DGKB: variants seen among roughly 807,000 people sequenced by gnomAD.
DGKB encodes diacylglycerol kinase beta, also known as 90 kDa diacylglycerol kinase.
Under a neutral mutation model 114.3 loss-of-function variants are expected in DGKB, and 67 were observed. That is an observed-to-expected ratio of 0.59 (90% CI 0.48 to 0.72). The LOEUF (loss-of-function observed/expected upper bound fraction) is 0.72. DGKB is among the 30% of genes least tolerant of loss of function. The pLI is 0.00. For synonymous variants in DGKB, 398 were observed against 323.1 expected (o/e 1.23, Z -2.49); for missense variants, 907 against 975.2 (o/e 0.93, Z 0.93).
intron 20 of DGKB, among the ~76,000 whole-genome samples, chr7:14,489,284 G>C (rs1784278040): frequency 6.6e-6 from 1 of 152,088 alleles, no homozygotes; most frequent in South Asian, 2.1e-4. Flanking sequence ...TCATTTGATT[G>C]AGATTTTGAA....
intron 20 of DGKB, among the ~76,000 whole-genome samples, chr7:14,539,081 C>T (rs746524646): frequency 6.6e-6 from 1 of 151,946 alleles, no homozygotes; most frequent in Admixed American, 6.6e-5. Flanking sequence ...CACTATGGTG[C>T]TCATAGTTAA....
chr7:14,207,458 A>AC (rs1485342730), intron 23 of DGKB, among the ~76,000 whole-genome samples: 3 of 151,944 alleles, frequency 2.0e-5, no homozygotes. Flanking sequence ...TAGGGGTAGC[A>AC]TCCTGTGCCC....
chr7:14,414,515 A>G (rs1825401567), intron 21 of DGKB, among the ~76,000 whole-genome samples: 1 of 152,110 alleles, frequency 6.6e-6, no homozygotes, highest in African/African-American at 2.4e-5. Context: ...TAGCTTGGAG[A>G]AGTCATTTAA....
intron 20 of DGKB, among the ~76,000 whole-genome samples, chr7:14,504,769 T>G (rs562543979): frequency 6.6e-6 from 1 of 152,332 alleles, no homozygotes; most frequent in East Asian, 1.9e-4. Flanking sequence ...AGGTTGATTT[T>G]TATTTTAAAT....
intron 14 of DGKB, among the ~76,000 whole-genome samples, chr7:14,625,481 T>C (rs1358989217): frequency 6.6e-6 from 1 of 151,512 alleles, no homozygotes; most frequent in African/African-American, 2.4e-5. Flanking sequence ...TCTATTATGA[T>C]ATTTATGAGA....
At chr7:14,854,733 CT>C (rs1849881502) in intron 1 of DGKB, among the ~76,000 whole-genome samples, 1 of 152,092 alleles carries the variant, frequency 6.6e-6, no homozygotes, top group Non-Finnish European at 1.5e-5. Flanking sequence ...CTGGGGACCC[CT>C]GTAGTAGATG....
At chr7:14,544,889 C>T (rs1183610290) in intron 20 of DGKB, among the ~76,000 whole-genome samples, 2 of 152,046 alleles carry the variant, frequency 1.3e-5, no homozygotes, top group East Asian at 3.9e-4. Context: ...TCCTCTATCT[C>T]TGCTTTCTAG....
rs186904475 is a variant in DGKB at position 14,833,209 on chromosome 7, A to G, written c.70+7985T>C. On this transcript the variant is annotated intron_variant, in intron 2 of 25. Transcript: ENST00000402815. ...CATATTCAATAGGCTGCCCTAGTAA[A>G]ATAATCTCCTAATAGGTTTTTAGTC... Among the ~76,000 whole-genome samples the G allele has an allele frequency of 3.5e-3, 538 of 152,214 alleles. 8 individuals are homozygous for G. Among genetic ancestry groups the G allele is most frequent in the East Asian group, 5.8e-3 (30 of 5,170 alleles).
chr7:14,877,646 G>A (rs376588887), intron 1 of DGKB, among the ~76,000 whole-genome samples: 9 of 152,300 alleles, frequency 5.9e-5, no homozygotes, highest in African/African-American at 2.2e-4. Flanking sequence ...TGAGGTTTGC[G>A]TAAATAAATG....
chr7:14,274,947 G>T (rs2128441395), intron 23 of DGKB, among the ~76,000 whole-genome samples: 1 of 115,036 alleles, frequency 8.7e-6, no homozygotes, highest in South Asian at 2.4e-4. Flanking sequence ...ATAGCAGTGT[G>T]TGTGTGTGTG....
intron 14 of DGKB, among the ~76,000 whole-genome samples, chr7:14,627,324 G>C (rs1409908372): frequency 6.6e-6 from 1 of 152,080 alleles, no homozygotes; most frequent in Non-Finnish European, 1.5e-5. Flanking sequence ...ACCTGGGGGT[G>C]TTAGTCACTT....
intron 1 of DGKB, among the ~76,000 whole-genome samples, chr7:14,928,980 A>T (rs1784874031): frequency 6.6e-6 from 1 of 151,644 alleles, no homozygotes; most frequent in Admixed American, 6.6e-5. Context: ...CAAAAGACAT[A>T]ATTCCATTCT....
chr7:14,578,720 T>C (rs1215161432), intron 19 of DGKB, among the ~76,000 whole-genome samples: 1 of 152,232 alleles, frequency 6.6e-6, no homozygotes, highest in Admixed American at 6.5e-5. Context: ...TGGAGAACTA[T>C]AGTTCTGCAT....
At position 14,825,044 on chromosome 7, in the gene DGKB, A is replaced by G. The variant is rs1332558741; in HGVS notation, c.70+16150T>C. On this transcript the variant is annotated intron_variant, in intron 2 of 25. Coordinates refer to ENST00000402815, the MANE Select transcript of DGKB (RefSeq NM_001350709.2). ...TATATATATATATATATATATATAT[A>G]TATATATATATATCACATGTACTAG... is the stretch of plus-strand genomic sequence containing the variant. 5.7e-4 allele frequency among the ~76,000 whole-genome samples: 81 copies of G among 142,894 alleles called. 2 individuals are homozygous for G. Among genetic ancestry groups the G allele is most frequent in the African/African-American group, 1.9e-3 (75 of 39,044 alleles). 93.7% of individuals were successfully genotyped at this position (142,894 alleles called of 152,430 possible).
intron 25 of DGKB, among the ~76,000 whole-genome samples, chr7:14,154,634 A>T (rs954754057): frequency 6.6e-6 from 1 of 151,992 alleles, no homozygotes; most frequent in Admixed American, 6.6e-5. Context: ...GAGTGTTAGA[A>T]ACCACCTTTC....
intron 20 of DGKB, among the ~76,000 whole-genome samples, chr7:14,499,561 T>G (rs1785812434): frequency 6.6e-6 from 1 of 151,824 alleles, no homozygotes. Context: ...AGTGATAGAT[T>G]ATCATAATCA....
chr7:14,185,886 TAAACC>T (rs1418957264), intron 23 of DGKB, among the ~76,000 whole-genome samples: 1 of 152,166 alleles, frequency 6.6e-6, no homozygotes, highest in East Asian at 1.9e-4. Flanking sequence ...ATTAAGGACT[TAAACC>T]TAAGACCTGA....
chr7:14,753,082 C>T (rs1391429745), intron 4 of DGKB, among the ~76,000 whole-genome samples: 1 of 152,106 alleles, frequency 6.6e-6, no homozygotes, highest in Non-Finnish European at 1.5e-5. Flanking sequence ...TATCTAAGTC[C>T]ACCAGTATCA....
chr7:14,483,133 A>C (rs1191556311), intron 20 of DGKB, among the ~76,000 whole-genome samples: 4 of 149,692 alleles, frequency 2.7e-5, no homozygotes, highest in East Asian at 4.9e-4. Flanking sequence ...GGTGCCCCCC[A>C]AAAAGATATC....
Sources: gnomAD v4.1 joint callset for allele counts (sites outside exome capture counted in the v4.1 genomes callset) on GRCh38, gnomAD v4.1.1 for gene constraint, MANE v1.5 for transcripts, NCBI Gene and HGNC (gene_info 2026-07-23, HGNC 2026-07-21) for gene names.